The following CDYL2 variants were observed in gnomAD, a reference collection of about 807,000 sequenced individuals.
CDYL2 encodes the protein chromodomain Y like 2, also known as chromodomain Y-like protein 2.
CDYL2 carries 23 observed loss-of-function variants against 49.4 expected under a neutral mutation model. That is an observed-to-expected ratio of 0.47 (90% CI 0.34 to 0.66). The LOEUF (loss-of-function observed/expected upper bound fraction) is 0.66. CDYL2 is among the 30% of genes least tolerant of loss of function. The pLI, the probability that CDYL2 is intolerant of heterozygous loss-of-function variation, is 0.01. For synonymous variants in CDYL2, 360 were observed against 268.8 expected (o/e 1.34, Z -3.32); for missense variants, 678 against 656.4 (o/e 1.03, Z -0.36).
At chr16:80,793,994 G>A (rs1006527892) in intron 1 of CDYL2, among the ~76,000 whole-genome samples, 7 of 152,194 alleles carry the variant, frequency 4.6e-5, no homozygotes, top group South Asian at 2.1e-4. Context: ...AACTGGTATC[G>A]GGTGTGGTTT....
chr16:80,609,589 G>A (rs562717572), intron 5 of CDYL2, among the ~76,000 whole-genome samples: 3 of 152,324 alleles, frequency 2.0e-5, no homozygotes, highest in Middle Eastern at 6.8e-3. Context: ...GAACTCAGCA[G>A]AAGTTCGCTG....
chr16:80,614,777 T>G (rs923298225), intron 4 of CDYL2, among the ~76,000 whole-genome samples: 8 of 150,228 alleles, frequency 5.3e-5, no homozygotes, highest in African/African-American at 2.0e-4. Context: ...GGCAGGAGGA[T>G]TGCATGAACC....
chr16:80,677,629 C>T (rs1392817989), intron 2 of CDYL2, among the ~76,000 whole-genome samples: 4 of 151,946 alleles, frequency 2.6e-5, no homozygotes, highest in Non-Finnish European at 5.9e-5. Context: ...GTCCCAGCTA[C>T]TCGGGAGGCT....
At chr16:80,604,695 T>C in intron 6 of CDYL2, 149 bp from the exon 7 acceptor site, 1 of 757,132 alleles carries the variant, frequency 1.3e-6, no homozygotes, top group Non-Finnish European at 2.2e-6. Context: ...AGTCCCATGT[T>C]TCCAGCACGG....
In CDYL2 at chr16:80,601,572, C is replaced by G. The variant is rs977198749; in HGVS notation, c.*2816G>C. ...AAAAATGAAAGTCTGAGCTCTGTCT[C>G]AGGAAAGCTATTAGGATAAACCCTG... is the stretch of plus-strand genomic sequence containing the variant. On this transcript the variant is annotated 3_prime_UTR_variant, in exon 7 of 7. Coordinates refer to ENST00000570137, the MANE Select transcript of CDYL2 (RefSeq NM_152342.4). 3.3e-5 allele frequency: 5 copies of G among 152,162 alleles called. No homozygotes were observed. The highest frequency in any genetic ancestry group is 9.7e-5 in the African/African-American group (4 of 41,430). The allele number at this position is 152,162 out of a possible 1,614,324, so 9.4% of individuals were successfully genotyped here. A position where few individuals can be genotyped will look rare whatever the true frequency, so the allele number is the denominator to read the frequency against.
At chr16:80,743,367 G>C (rs1327734628) in intron 1 of CDYL2, among the ~76,000 whole-genome samples, 2 of 152,198 alleles carry the variant, frequency 1.3e-5, no homozygotes, top group East Asian at 3.9e-4. Context: ...GAATTCAAAA[G>C]AAGTCACAAA....
At chr16:80,783,723 G>A (rs556323861) in intron 1 of CDYL2, among the ~76,000 whole-genome samples, 1 of 152,320 alleles carries the variant, frequency 6.6e-6, no homozygotes, top group East Asian at 1.9e-4. Flanking sequence ...TGTAATGCAT[G>A]CTAAAACATG....
At chr16:80,631,715 T>C (rs927959968) in intron 3 of CDYL2, among the ~76,000 whole-genome samples, 1 of 152,130 alleles carries the variant, frequency 6.6e-6, no homozygotes, top group Non-Finnish European at 1.5e-5. Context: ...GAAAGAAAAG[T>C]GACCTAATTT....
chr16:80,655,267 T>A (rs8054290), intron 2 of CDYL2, among the ~76,000 whole-genome samples: 1 of 152,194 alleles, frequency 6.6e-6, no homozygotes, highest in South Asian at 2.1e-4. Flanking sequence ...AGAGCCAGGA[T>A]TGGAGCCAGC....
chr16:80,699,809 C>T (rs1405992328), intron 1 of CDYL2, among the ~76,000 whole-genome samples: 1 of 151,852 alleles, frequency 6.6e-6, no homozygotes, highest in Non-Finnish European at 1.5e-5. Context: ...GTGTCAAAAA[C>T]TTTTCTTAAA....
chr16:80,677,900 T>G (rs1342575630), intron 2 of CDYL2, among the ~76,000 whole-genome samples: 2 of 151,778 alleles, frequency 1.3e-5, no homozygotes, highest in African/African-American at 4.8e-5. Flanking sequence ...ATGGTACTGG[T>G]ACCAAAACAG....
At chr16:80,739,698 A>AG (rs1365953558) in intron 1 of CDYL2, among the ~76,000 whole-genome samples, 1 of 152,194 alleles carries the variant, frequency 6.6e-6, no homozygotes, top group Admixed American at 6.5e-5. Flanking sequence ...AAGACGCACC[A>AG]GCTCAGAGCT....
chr16:80,791,649 C>G (rs1270313097), intron 1 of CDYL2, among the ~76,000 whole-genome samples: 2 of 152,080 alleles, frequency 1.3e-5, no homozygotes, highest in South Asian at 2.1e-4. Context: ...TGGTAACGGA[C>G]AGTGTCCCAG....
chr16:80,729,349 A>G (rs1481146510), intron 1 of CDYL2, among the ~76,000 whole-genome samples: 1 of 152,074 alleles, frequency 6.6e-6, no homozygotes, highest in East Asian at 1.9e-4. Flanking sequence ...CAAAAGAGAC[A>G]AAGAAGGCCA....
intron 1 of CDYL2, among the ~76,000 whole-genome samples, chr16:80,782,256 G>A (rs561574653): frequency 1.3e-5 from 2 of 151,828 alleles, no homozygotes; most frequent in East Asian, 3.9e-4. Context: ...TAACCTACAT[G>A]AAATGGGAAA....
chr16:80,748,655 A>G (rs958635242), intron 1 of CDYL2, among the ~76,000 whole-genome samples: 4 of 152,034 alleles, frequency 2.6e-5, no homozygotes, highest in African/African-American at 9.7e-5. Flanking sequence ...AATAAACAAG[A>G]TAACTATTAG....
At chr16:80,752,429 A>G (rs1906168904) in intron 1 of CDYL2, among the ~76,000 whole-genome samples, 1 of 152,196 alleles carries the variant, frequency 6.6e-6, no homozygotes, top group Non-Finnish European at 1.5e-5. Context: ...TCCCAAGCAG[A>G]ATAAATTAAA....
chr16:80,680,001 G>T (rs1909907107), intron 2 of CDYL2, among the ~76,000 whole-genome samples: 2 of 152,164 alleles, frequency 1.3e-5, no homozygotes, highest in Non-Finnish European at 2.9e-5. Flanking sequence ...AAAGCCATAG[G>T]CCACTTCCCA....
intron 1 of CDYL2, among the ~76,000 whole-genome samples, chr16:80,698,254 G>A (rs1346416865): frequency 6.6e-6 from 1 of 152,016 alleles, no homozygotes; most frequent in Admixed American, 6.5e-5. Flanking sequence ...AAAACAGACA[G>A]GATTATGTCA....
Sources: gnomAD v4.1 joint callset for allele counts (sites outside exome capture counted in the v4.1 genomes callset) on GRCh38, gnomAD v4.1.1 for gene constraint, MANE v1.5 for transcripts, NCBI Gene and HGNC (gene_info 2026-07-23, HGNC 2026-07-21) for gene names.